The following SIM1 variants were observed in gnomAD, a reference collection of about 807,000 sequenced individuals.
SIM1 encodes single-minded homolog 1.
Under a neutral mutation model 78.2 loss-of-function variants are expected in SIM1, and 18 were observed. The observed-to-expected ratio is 0.23, with a 90% CI of 0.16 to 0.34. The LOEUF (loss-of-function observed/expected upper bound fraction) is 0.34, where lower values mean the gene tolerates loss of function less well. Ranked by LOEUF, SIM1 falls within the 10% of genes least tolerant of loss-of-function variation. The pLI, the probability that SIM1 is intolerant of heterozygous loss-of-function variation, is 1.00. For synonymous variants in SIM1, 417 were observed against 385.2 expected, an observed-to-expected ratio of 1.08 and a Z score of -0.97; for missense variants, 939 against 975.1, an observed-to-expected ratio of 0.96 and a Z score of 0.49.
chr6:100,406,610 AAGTAC>A (rs1302720990), intron 10 of SIM1, among the ~76,000 whole-genome samples: 4 of 152,228 alleles, frequency 2.6e-5, no homozygotes, highest in Non-Finnish European at 5.9e-5. Context: ...CTTCTAAGTC[AAGTAC>A]AGTAAAAATG....
intron 2 of SIM1, among the ~76,000 whole-genome samples, chr6:100,459,942 A>T (rs1772793769): frequency 6.6e-6 from 1 of 152,214 alleles, no homozygotes; most frequent in Non-Finnish European, 1.5e-5. Flanking sequence ...TCTGGCTTTG[A>T]TAATACCAAA....
chr6:100,412,759 A>AAAG (rs139161593), intron 10 of SIM1, among the ~76,000 whole-genome samples: 2,255 of 123,166 alleles, frequency 0.018, 57 homozygotes, highest in Non-Finnish European at 0.024. Context: ...AAGAAAAAAG[A>AAAG]AAAGAAAAAG....
At chr6:100,428,573 A>G (rs1039226947) in intron 9 of SIM1, among the ~76,000 whole-genome samples, 2 of 151,762 alleles carry the variant, frequency 1.3e-5, no homozygotes, top group Admixed American at 1.3e-4. Context: ...AAATGAATGG[A>G]CATGCTTATA....
intron 9 of SIM1, among the ~76,000 whole-genome samples, chr6:100,432,803 C>G (rs1771936872): frequency 6.6e-6 from 1 of 152,188 alleles, no homozygotes; most frequent in Non-Finnish European, 1.5e-5. Flanking sequence ...CACAGCACCC[C>G]AGATTCAACT....
At chr6:100,412,853 G>A (rs1771295613) in intron 10 of SIM1, among the ~76,000 whole-genome samples, 1 of 152,088 alleles carries the variant, frequency 6.6e-6, no homozygotes, top group Non-Finnish European at 1.5e-5. Context: ...GAGTGATCAT[G>A]AGTCTGGTCC....
intron 2 of SIM1, among the ~76,000 whole-genome samples, chr6:100,457,611 G>A (rs747147721): frequency 6.4e-4 from 97 of 152,336 alleles, no homozygotes; most frequent in Admixed American, 1.4e-3. Flanking sequence ...GCCTCCGGGC[G>A]CCTCCGCAGC....
intron 10 of SIM1, among the ~76,000 whole-genome samples, chr6:100,401,799 AAAC>A (rs1770922421): frequency 6.6e-6 from 1 of 152,146 alleles, no homozygotes; most frequent in Non-Finnish European, 1.5e-5. Flanking sequence ...GCCCTTTTTT[AAAC>A]AACATTTTTC....
At chr6:100,463,216 T>C (rs1772900073) in intron 2 of SIM1, 78 bp downstream of exon 2, 2 of 1,293,388 alleles carry the variant, frequency 1.5e-6, no homozygotes, top group East Asian at 4.7e-5. Flanking sequence ...ATTTCTCTGG[T>C]CACTGATGTC....
At position 100,397,478 on chromosome 6, in the gene SIM1, A is replaced by G. The variant is rs184324495; in HGVS notation, c.1168-3589T>C. Among the ~76,000 whole-genome samples the G allele has an allele frequency of 2.9e-3, 444 of 152,318 alleles. 5 individuals are homozygous for G. Among genetic ancestry groups the G allele is most frequent in the African/African-American group, 0.01 (420 of 41,578 alleles). On this transcript the variant is annotated intron_variant, in intron 10 of 11. Transcript: ENST00000369208. ...GTAATTGGACACTCATAGGCAAAAAATCAAATAAATCTCAACCTGAGTGTC... is the reference window on the plus strand; with the variant it reads ...GTAATTGGACACTCATAGGCAAAAAGTCAAATAAATCTCAACCTGAGTGTC...
chr6:100,437,764 G>C (rs1405765866), intron 9 of SIM1, among the ~76,000 whole-genome samples: 1 of 152,182 alleles, frequency 6.6e-6, no homozygotes, highest in Non-Finnish European at 1.5e-5. Flanking sequence ...GTGAAAAATA[G>C]AGTGAGCCTG....
At chr6:100,464,201 G>A (rs1772930991) in intron 1 of SIM1, among the ~76,000 whole-genome samples, 1 of 152,330 alleles carries the variant, frequency 6.6e-6, no homozygotes, top group East Asian at 1.9e-4. Flanking sequence ...AGACCCGCAA[G>A]GGATCTTCCG....
Position 100,463,612 on chromosome 6 carries a change from C to G in SIM1, c.-144G>C. The G allele has an allele frequency of 1.3e-6, 1 of 757,130 alleles. No individual in the cohort carries two copies. Among genetic ancestry groups the G allele is most frequent in the Non-Finnish European group, 2.2e-6 (1 of 460,650 alleles). The allele number at this position is 757,130 out of a possible 1,614,324, so 46.9% of individuals were successfully genotyped here. ...GAGGCTGAAGTATTTGCACCAAGAACAGTGTATTGATGGCAGTAAAAGACC... is the reference window on the plus strand; with the variant it reads ...GAGGCTGAAGTATTTGCACCAAGAAGAGTGTATTGATGGCAGTAAAAGACC... On this transcript the variant is annotated 5_prime_UTR_variant, in exon 2 of 12. Transcript: ENST00000369208.
At chr6:100,402,674 T>C (rs1770951494) in intron 10 of SIM1, among the ~76,000 whole-genome samples, 1 of 144,574 alleles carries the variant, frequency 6.9e-6, no homozygotes, top group Non-Finnish European at 1.5e-5. Flanking sequence ...GCCTCCCGGG[T>C]TCACGCCATT....
intron 2 of SIM1, among the ~76,000 whole-genome samples, chr6:100,458,544 C>T (rs552372617): frequency 6.6e-6 from 1 of 152,360 alleles, no homozygotes; most frequent in East Asian, 1.9e-4. Context: ...ACACCTGCAC[C>T]TGCGGGACCT....
intron 3 of SIM1, among the ~76,000 whole-genome samples, chr6:100,452,526 G>A (rs1772538077): frequency 6.6e-6 from 1 of 152,216 alleles, no homozygotes; most frequent in African/African-American, 2.4e-5. Context: ...CCAGACTGCA[G>A]GGATGAGGGA....
chr6:100,389,336 G>A lies in SIM1; in HGVS notation c.*1025C>T. 3.0e-6 allele frequency: 1 copy of A among 332,966 alleles called. No homozygotes were observed. The allele number at this position is 332,966 out of a possible 1,614,324, so 20.6% of individuals were successfully genotyped here. On this transcript the variant is annotated 3_prime_UTR_variant, in exon 12 of 12. Transcript: ENST00000369208. ...AGGCTTTCCACATGTTGTCACATTG[G>A]CACATATGTGCTTTGAAACGTTTTC...
chr6:100,398,958 TGTATGTGTA>T (rs1216289713), intron 10 of SIM1, among the ~76,000 whole-genome samples: 4 of 96,896 alleles, frequency 4.1e-5, no homozygotes, highest in African/African-American at 8.6e-5. Context: ...TGTGTGTGTG[TGTATGTGTA>T]GTAGTAGTAG....
At chr6:100,418,010 G>A (rs982047117) in intron 10 of SIM1, among the ~76,000 whole-genome samples, 1 of 152,142 alleles carries the variant, frequency 6.6e-6, no homozygotes, top group Non-Finnish European at 1.5e-5. Flanking sequence ...TAAATCTTAT[G>A]TGGACATATG....
intron 3 of SIM1, among the ~76,000 whole-genome samples, chr6:100,452,773 A>C (rs1450482568): frequency 6.6e-6 from 1 of 152,190 alleles, no homozygotes; most frequent in Non-Finnish European, 1.5e-5. Flanking sequence ...TTCTAGATAA[A>C]TTCAAAGGTG....
Sources: allele counts gnomAD v4.1 joint callset (sites outside exome capture counted in the v4.1 genomes callset), GRCh38; gene constraint gnomAD v4.1.1; transcripts MANE v1.5; gene names NCBI Gene and HGNC (gene_info 2026-07-23, HGNC 2026-07-21).